Variants in PSD3 observed in about 807,000 individuals in gnomAD.
The protein encoded by PSD3 is PH and SEC7 domain-containing protein 3.
Under a neutral mutation model 105.5 loss-of-function variants are expected in PSD3, and 49 were observed. That is an observed-to-expected ratio of 0.46 (90% CI 0.37 to 0.59). PSD3 has a LOEUF of 0.59. Ranked by LOEUF, PSD3 falls within the 20% of genes least tolerant of loss-of-function variation. The pLI is 0.00. For synonymous variants in PSD3, 557 were observed against 457.8 expected (o/e 1.22, Z -2.77); for missense variants, 1,561 against 1,263.8 (o/e 1.24, Z -3.57).
chr8:18,953,394 T>C (rs1823367895), intron 1 of PSD3, among the ~76,000 whole-genome samples: 1 of 152,196 alleles, frequency 6.6e-6, no homozygotes, highest in South Asian at 2.1e-4. Flanking sequence ...CATATAAATA[T>C]ATCAATGGCA....
At chr8:18,778,514 G>A (rs1456382550) in intron 8 of PSD3, among the ~76,000 whole-genome samples, 2 of 152,084 alleles carry the variant, frequency 1.3e-5, no homozygotes, top group Non-Finnish European at 2.9e-5. Flanking sequence ...TGGTGAAGGT[G>A]AGCATCCTTA....
intron 9 of PSD3, among the ~76,000 whole-genome samples, chr8:18,702,436 T>C (rs1191606180): frequency 6.6e-6 from 1 of 152,218 alleles, no homozygotes; most frequent in Non-Finnish European, 1.5e-5. Context: ...CCCCTTTTTG[T>C]ATTGTGAATC....
At chr8:18,964,156 G>A (rs772157387) in intron 1 of PSD3, among the ~76,000 whole-genome samples, 11 of 152,098 alleles carry the variant, frequency 7.2e-5, no homozygotes, top group Non-Finnish European at 1.6e-4. Flanking sequence ...TGAGAGTGTT[G>A]CTCTGTAACC....
chr8:18,961,916 C>T (rs1823951419), intron 1 of PSD3, among the ~76,000 whole-genome samples: 2 of 152,092 alleles, frequency 1.3e-5, no homozygotes, highest in Non-Finnish European at 2.9e-5. Flanking sequence ...TGATGGCTTG[C>T]TTTCCTGCGA....
intron 9 of PSD3, among the ~76,000 whole-genome samples, chr8:18,764,020 G>C (rs1385932384): frequency 6.6e-6 from 1 of 152,160 alleles, no homozygotes; most frequent in Non-Finnish European, 1.5e-5. Flanking sequence ...GTGAACAGTA[G>C]CCTCTGGACT....
chr8:18,990,494 G>C (rs1361079273), intron 1 of PSD3, among the ~76,000 whole-genome samples: 2 of 152,152 alleles, frequency 1.3e-5, no homozygotes, highest in Admixed American at 6.5e-5. Flanking sequence ...TCATCTGCCA[G>C]GGACATCTGC....
At chr8:18,926,681 C>T (rs1821384354) in intron 2 of PSD3, among the ~76,000 whole-genome samples, 1 of 152,092 alleles carries the variant, frequency 6.6e-6, no homozygotes, top group African/African-American at 2.4e-5. Flanking sequence ...AGAAAAAACA[C>T]ACAGATAAGC....
At chr8:18,679,916 G>C (rs995381754) in intron 9 of PSD3, among the ~76,000 whole-genome samples, 5 of 152,134 alleles carry the variant, frequency 3.3e-5, no homozygotes. Flanking sequence ...CTAATCTCTA[G>C]CATCATGCTT....
intron 1 of PSD3, among the ~76,000 whole-genome samples, chr8:19,038,255 C>T (rs1828010472): frequency 6.6e-6 from 1 of 152,120 alleles, no homozygotes; most frequent in African/African-American, 2.4e-5. Context: ...TCCAGAGCTC[C>T]TCTCATCCCC....
intron 1 of PSD3, among the ~76,000 whole-genome samples, chr8:19,069,428 A>G (rs1029032992): frequency 1.3e-5 from 2 of 152,210 alleles, no homozygotes; most frequent in African/African-American, 4.8e-5. Context: ...TTGACAGTCA[A>G]CTAGACTCCC....
intron 9 of PSD3, among the ~76,000 whole-genome samples, chr8:18,699,510 T>TA (rs1203937312): frequency 6.6e-6 from 1 of 152,168 alleles, no homozygotes; most frequent in Non-Finnish European, 1.5e-5. Flanking sequence ...TAACAATTCA[T>TA]AGAGTGTAGT....
intron 9 of PSD3, 80 bp from the exon 10 acceptor site, chr8:18,655,765 C>G: frequency 7.2e-7 from 1 of 1,388,046 alleles, no homozygotes; most frequent in Non-Finnish European, 1.0e-6. Flanking sequence ...CCAAGTAATT[C>G]CTTCATAAAA....
At chr8:19,036,825 T>C (rs1424000422) in intron 1 of PSD3, among the ~76,000 whole-genome samples, 1 of 152,192 alleles carries the variant, frequency 6.6e-6, no homozygotes, top group East Asian at 1.9e-4. Flanking sequence ...AGGGCTCTTC[T>C]TTAGACACTA....
intron 1 of PSD3, chr8:19,000,468 C>T (rs6995427): frequency 0.68 from 102,862 of 150,776 alleles, 35,890 homozygotes; most frequent in East Asian, 0.91. Context: ...TCTGAGACTG[C>T]TACATCACAC....
intron 10 of PSD3, among the ~76,000 whole-genome samples, chr8:18,652,628 G>C (rs1808594314): frequency 6.6e-6 from 1 of 150,444 alleles, no homozygotes; most frequent in Non-Finnish European, 1.5e-5. Flanking sequence ...CTCCTGAGTA[G>C]CTGGGATTAC....
chr8:18,659,544 A>G (rs974552352), intron 9 of PSD3, among the ~76,000 whole-genome samples: 4 of 152,268 alleles, frequency 2.6e-5, no homozygotes, highest in Non-Finnish European at 5.9e-5. Context: ...TCAACTAAGT[A>G]CATTGTCTCC....
chr8:18,573,622 A>C (rs1231123471), intron 13 of PSD3, among the ~76,000 whole-genome samples: 3 of 152,206 alleles, frequency 2.0e-5, no homozygotes, highest in African/African-American at 7.2e-5. Context: ...TTAGCAATAA[A>C]GTACTGACAC....
chr8:18,630,661 CT>C (rs199993405), intron 11 of PSD3, among the ~76,000 whole-genome samples: 118 of 149,404 alleles, frequency 7.9e-4, no homozygotes, highest in African/African-American at 2.5e-3. Flanking sequence ...TGAAATTATT[CT>C]TTTTTTTTTC....
At chr8:18,879,057 C>CACAA (rs1554529811) in intron 2 of PSD3, among the ~76,000 whole-genome samples, 3 of 145,952 alleles carry the variant, frequency 2.1e-5, no homozygotes, top group Non-Finnish European at 4.5e-5. Flanking sequence ...CACAAACACA[C>CACAA]ACACACACAC....
Sources: allele counts gnomAD v4.1 joint callset (sites outside exome capture counted in the v4.1 genomes callset), GRCh38; gene constraint gnomAD v4.1.1; transcripts MANE v1.5; gene names NCBI Gene and HGNC (gene_info 2026-07-23, HGNC 2026-07-21).